Variants in MACROD2 observed in about 807,000 individuals in gnomAD.
MACROD2 encodes the protein ADP-ribose glycohydrolase MACROD2.
MACROD2 carries 36 observed loss-of-function variants against 70.4 expected under a neutral mutation model. The observed-to-expected ratio is 0.51, with a 90% CI of 0.39 to 0.68. The LOEUF is 0.68. MACROD2 is among the 30% of genes least tolerant of loss of function. MACROD2 has a pLI of 0.00. For missense variants in MACROD2, 496 were observed against 538.4 expected, an observed-to-expected ratio of 0.92 and a Z score of 0.78; for synonymous variants, 172 against 178.8, an observed-to-expected ratio of 0.96 and a Z score of 0.30.
At chr20:15,588,828 A>C (rs112679961) in intron 8 of MACROD2, among the ~76,000 whole-genome samples, 4,412 of 152,144 alleles carry the variant, frequency 0.029, 219 homozygotes, top group African/African-American at 0.1. Context: ...CATTCAACAA[A>C]TCTCTAGGAG....
chr20:15,197,642 G>T (rs1474327431), intron 5 of MACROD2, among the ~76,000 whole-genome samples: 2 of 152,046 alleles, frequency 1.3e-5, no homozygotes, highest in Admixed American at 1.3e-4. Context: ...CCCCAAATTA[G>T]TTTTTTGATA....
intron 5 of MACROD2, among the ~76,000 whole-genome samples, chr20:14,811,779 A>G (rs1186736076): frequency 6.6e-6 from 1 of 152,174 alleles, no homozygotes; most frequent in Non-Finnish European, 1.5e-5. Context: ...ATATGAATGG[A>G]CACTTCTCAA....
chr20:15,001,041 G>A (rs191336151), intron 5 of MACROD2, among the ~76,000 whole-genome samples: 2 of 152,262 alleles, frequency 1.3e-5, no homozygotes, highest in African/African-American at 4.8e-5. Flanking sequence ...GACATGAATG[G>A]TCTGGTAAAT....
intron 15 of MACROD2, among the ~76,000 whole-genome samples, chr20:16,010,407 G>C (rs2066847879): frequency 6.6e-6 from 1 of 152,162 alleles, no homozygotes; most frequent in Non-Finnish European, 1.5e-5. Context: ...ACAGAAACCA[G>C]AGGACAGAGT....
At chr20:15,157,513 C>T (rs1021882525) in intron 5 of MACROD2, among the ~76,000 whole-genome samples, 2 of 152,036 alleles carry the variant, frequency 1.3e-5, no homozygotes, top group African/African-American at 4.8e-5. Flanking sequence ...ATTGCATGGT[C>T]CTTTCATTTA....
At position 14,085,523 on chromosome 20, in the gene MACROD2, G is replaced by A. The variant is rs2054065850; in HGVS notation, c.164-98G>A. On this transcript the variant is annotated intron_variant, in intron 2 of 17. Transcript: ENST00000684519. ...CCACTTGTTTTTTGTAGTAGAGCAT[G>A]ACACATATTGGGTCTTGTAGTAGTC... 4 of 567,776 alleles carry A rather than the reference G, an allele frequency of 7.0e-6. No homozygotes were observed. The South Asian group carries it at 2.0e-4, about 28-fold the overall frequency. The allele number at this position is 567,776 out of a possible 1,614,324, so 35.2% of individuals were successfully genotyped here.
intron 8 of MACROD2, among the ~76,000 whole-genome samples, chr20:15,562,825 T>C (rs2048262357): frequency 6.6e-6 from 1 of 152,214 alleles, no homozygotes; most frequent in Non-Finnish European, 1.5e-5. Context: ...TAAAATAAGA[T>C]GGGTCAGATG....
chr20:14,150,005 A>G (rs2054995624), intron 3 of MACROD2, among the ~76,000 whole-genome samples: 2 of 151,904 alleles, frequency 1.3e-5, no homozygotes, highest in Non-Finnish European at 2.9e-5. Context: ...AAACTGATTT[A>G]TTTCTCTCAT....
At chr20:15,831,421 G>A (rs1224143181) in intron 8 of MACROD2, among the ~76,000 whole-genome samples, 1 of 152,224 alleles carries the variant, frequency 6.6e-6, no homozygotes, top group Admixed American at 6.5e-5. Context: ...TTAGTGCAAT[G>A]TCTGGAGGGA....
rs75207884 is a variant in MACROD2, at chr20:15,180,019, A to G, written c.419-49921A>G. 6.5e-3 allele frequency among the ~76,000 whole-genome samples: 982 copies of G among 152,226 alleles called. 13 individuals are homozygous for G. The highest frequency in any genetic ancestry group is 0.022 in the African/African-American group (911 of 41,532). Reference sequence around the variant, plus strand: ...GGCCACCCTCTTGCTTACTCTTCATATGGTCCTCCCTTTGTGCACCTGTGC... The same window carrying G: ...GGCCACCCTCTTGCTTACTCTTCATGTGGTCCTCCCTTTGTGCACCTGTGC... On this transcript the variant is annotated intron_variant, in intron 5 of 17. Transcript: ENST00000684519.
At chr20:14,463,832 A>G (rs1403302803) in intron 3 of MACROD2, among the ~76,000 whole-genome samples, 1 of 152,000 alleles carries the variant, frequency 6.6e-6, no homozygotes, top group South Asian at 2.1e-4. Flanking sequence ...ATGCTGGATT[A>G]CGTTTATTGA....
At chr20:14,540,584 G>T (rs1309947892) in intron 4 of MACROD2, among the ~76,000 whole-genome samples, 3 of 152,118 alleles carry the variant, frequency 2.0e-5, no homozygotes, top group Admixed American at 6.6e-5. Context: ...GGTATAAAAA[G>T]GCCAATCCTG....
chr20:15,558,552 G>A (rs1031436427), intron 8 of MACROD2, among the ~76,000 whole-genome samples: 4 of 152,196 alleles, frequency 2.6e-5, no homozygotes, highest in Non-Finnish European at 5.9e-5. Context: ...CTTGGTGAAG[G>A]GGCTCATTTT....
intron 5 of MACROD2, among the ~76,000 whole-genome samples, chr20:14,863,042 G>A (rs1333776959): frequency 6.6e-6 from 1 of 151,792 alleles, no homozygotes; most frequent in African/African-American, 2.4e-5. Context: ...TTCTAATAAG[G>A]TATTATTAGT....
rs186622251 is a variant in MACROD2, at chr20:14,485,428, G to A, written c.272-8051G>A. On this transcript the variant is annotated intron_variant, in intron 3 of 17. Coordinates refer to ENST00000684519, the MANE Select transcript of MACROD2 (RefSeq NM_001351661.2). The stretch of plus-strand genomic sequence containing the variant: ...ATTTATAAGAACATGGAGGCCAGGC[G>A]TGGTGGCTCACGCCTGTAATCCCAG... 6.6e-3 allele frequency among the ~76,000 whole-genome samples: 1,010 copies of A among 152,224 alleles called. 10 individuals are homozygous for A. Among genetic ancestry groups the A allele is most frequent in the African/African-American group, 0.022 (913 of 41,552 alleles).
At chr20:14,610,530 T>C (rs1983091603) in intron 4 of MACROD2, among the ~76,000 whole-genome samples, 1 of 152,122 alleles carries the variant, frequency 6.6e-6, no homozygotes, top group Non-Finnish European at 1.5e-5. Flanking sequence ...GATAAATTCA[T>C]AAATAGTTAT....
chr20:15,891,353 C>T (rs1052091173), intron 10 of MACROD2, among the ~76,000 whole-genome samples: 2 of 152,086 alleles, frequency 1.3e-5, no homozygotes, highest in Non-Finnish European at 2.9e-5. Context: ...GTGTGGTAAG[C>T]GGGGCCCCAA....
chr20:15,336,881 C>T (rs2078054571), intron 6 of MACROD2, among the ~76,000 whole-genome samples: 1 of 151,672 alleles, frequency 6.6e-6, no homozygotes, highest in Admixed American at 6.6e-5. Context: ...TGTATGCGGA[C>T]TTGTTCTTTC....
chr20:15,441,836 A>G (rs765956853), intron 7 of MACROD2, among the ~76,000 whole-genome samples: 4 of 152,138 alleles, frequency 2.6e-5, no homozygotes, highest in African/African-American at 4.8e-5. Context: ...TTCTGAATAG[A>G]CGAAACATTG....
Sources: allele counts gnomAD v4.1 joint callset (sites outside exome capture counted in the v4.1 genomes callset), GRCh38; gene constraint gnomAD v4.1.1; transcripts MANE v1.5; gene names NCBI Gene and HGNC (gene_info 2026-07-23, HGNC 2026-07-21).